The following MYH11 variants were observed in gnomAD, a reference collection of about 807,000 sequenced individuals.
MYH11 encodes the protein myosin-11.
A neutral mutation model predicts 246.6 loss-of-function variants in MYH11; 80 were observed. The observed-to-expected ratio is 0.32, with a 90% CI of 0.27 to 0.39. The LOEUF is 0.39. Among genes scored for constraint, MYH11 ranks in the 10% least tolerant of loss-of-function variants. The pLI is 1.00. For missense variants in MYH11, 2,158 were observed against 2,546.8 expected (o/e 0.85, Z 3.29); for synonymous variants, 1,071 against 1,015.5 (o/e 1.05, Z -1.04).
At chr16:15,749,908 T>C (rs2041518587) in intron 16 of MYH11, 1 of 607,552 alleles carries the variant, frequency 1.6e-6, no homozygotes, top group Admixed American at 2.9e-5. Flanking sequence ...AATGAATGAG[T>C]GGCTGGATGA....
chr16:15,760,900 T>C (rs2041853365), intron 10 of MYH11, among the ~76,000 whole-genome samples: 1 of 152,172 alleles, frequency 6.6e-6, no homozygotes, highest in Non-Finnish European at 1.5e-5. Flanking sequence ...GTTGGGGGTT[T>C]AGGGTCAGGT....
chr16:15,797,520 G>C (rs2042769799), intron 4 of MYH11, among the ~76,000 whole-genome samples: 1 of 148,686 alleles, frequency 6.7e-6, no homozygotes, highest in Non-Finnish European at 1.5e-5. Context: ...TATAGCTTTA[G>C]TTGCTTCCAG....
chr16:15,798,560 C>T lies in MYH11; in HGVS notation c.530+100G>A, dbSNP rs950049877. The T allele has an allele frequency of 5.8e-6, 7 of 1,215,938 alleles. No individual in the cohort carries two copies. The East Asian group carries it at 1.5e-4, about 25-fold the overall frequency. The allele number at this position is 1,215,938 out of a possible 1,614,324, so 75.3% of individuals were successfully genotyped here. A position where few individuals can be genotyped will look rare whatever the true frequency, so the allele number is the denominator to read the frequency against. ...GGAACCATGAACAAATCAAAGATCT[C>T]TGCACTCATGGATCTTTTCTTTCAT... On this transcript the variant is annotated intron_variant, in intron 4 of 40. Transcript: ENST00000300036.
intron 8 of MYH11, among the ~76,000 whole-genome samples, chr16:15,774,566 T>C (rs375777295): frequency 6.6e-6 from 1 of 152,232 alleles, no homozygotes; most frequent in African/African-American, 2.4e-5. Context: ...ATAGCCTATG[T>C]TCCTGAAAGC....
chr16:15,710,020 C>T (rs1212592860), intron 40 of MYH11, among the ~76,000 whole-genome samples: 1 of 152,210 alleles, frequency 6.6e-6, no homozygotes, highest in Non-Finnish European at 1.5e-5. Context: ...GCATGCTTAC[C>T]AACCTCCCTC....
At chr16:15,790,634 T>C (rs1164963384) in intron 4 of MYH11, among the ~76,000 whole-genome samples, 1 of 152,210 alleles carries the variant, frequency 6.6e-6, no homozygotes. Flanking sequence ...GAAGATGCCT[T>C]CCTGGTCTGA....
Position 15,817,784 on chromosome 16 carries a change from A to G in MYH11, c.502+5471T>C, listed in dbSNP as rs2043299032. 2.0e-5 allele frequency among the ~76,000 whole-genome samples: 3 copies of G among 152,164 alleles called. No homozygotes were observed. The South Asian group carries it at 6.2e-4, about 32-fold the overall frequency. The stretch of plus-strand genomic sequence containing the variant: ...TAAACCAGCTCCTGCCACACTCATC[A>G]TACCCATTCTCACCCCTACATTTAT... On this transcript the variant is annotated intron_variant, in intron 3 of 40. Coordinates refer to ENST00000300036, the MANE Select transcript of MYH11 (RefSeq NM_002474.3).
At chr16:15,808,317 G>A (rs1204235872) in intron 3 of MYH11, among the ~76,000 whole-genome samples, 3 of 152,168 alleles carry the variant, frequency 2.0e-5, no homozygotes, top group Non-Finnish European at 4.4e-5. Flanking sequence ...AATCACCCTT[G>A]TAACAACTGG....
chr16:15,786,808 A>G, intron 4 of MYH11, 76 bp from the exon 5 acceptor site: 4 of 1,275,030 alleles, frequency 3.1e-6, no homozygotes, highest in Non-Finnish European at 4.5e-6. Context: ...CAGGCAGGAC[A>G]ATAATGATCA....
intron 2 of MYH11, among the ~76,000 whole-genome samples, chr16:15,829,037 A>G (rs1377677521): frequency 1.3e-5 from 2 of 152,008 alleles, no homozygotes; most frequent in African/African-American, 2.4e-5. Flanking sequence ...TACAAAAATT[A>G]GCTGGGTGTG....
chr16:15,763,759 C>CCCCCCCCACA, intron 10 of MYH11, 37 bp downstream of exon 10: 1 of 1,151,252 alleles, frequency 8.7e-7, no homozygotes, highest in Non-Finnish European at 1.3e-6. Flanking sequence ...CCCCCCAACC[C>CCCCCCCCACA]CAAAGTCATT....
chr16:15,833,173 C>T (rs369017021), intron 2 of MYH11, among the ~76,000 whole-genome samples: 1 of 151,426 alleles, frequency 6.6e-6, no homozygotes, highest in East Asian at 1.9e-4. Context: ...GTGCTACATG[C>T]CTGTAGTCCC....
chr16:15,773,669 A>C (rs973122323), intron 8 of MYH11, among the ~76,000 whole-genome samples: 1 of 152,148 alleles, frequency 6.6e-6, no homozygotes, highest in Non-Finnish European at 1.5e-5. Flanking sequence ...TTTTGTAAAT[A>C]AAGTTTTATT....
At chr16:15,754,883 G>A (rs752631796) in intron 14 of MYH11, among the ~76,000 whole-genome samples, 15 of 151,984 alleles carry the variant, frequency 9.9e-5, no homozygotes, top group Non-Finnish European at 1.6e-4. Flanking sequence ...ACGGGCTTTC[G>A]CCATGTTGGC....
chr16:15,835,135 T>C (rs1386387583), intron 2 of MYH11, among the ~76,000 whole-genome samples: 1 of 151,282 alleles, frequency 6.6e-6, no homozygotes, highest in African/African-American at 2.4e-5. Flanking sequence ...ACCATTTGGC[T>C]CTTTAAAAAG....
At chr16:15,779,050 C>A (rs1010440330) in intron 6 of MYH11, 1 of 660,704 alleles carries the variant, frequency 1.5e-6, no homozygotes, top group Non-Finnish European at 2.8e-6. Context: ...AGCAACAGAA[C>A]GTGTAAAACA....
At chr16:15,715,341 G>C in intron 38 of MYH11, 69 bp from the exon 39 acceptor site, 3 of 1,469,192 alleles carry the variant, frequency 2.0e-6, no homozygotes, top group Non-Finnish European at 1.9e-6. Context: ...TGTGTCACCT[G>C]GAGGTGGCAT....
intron 5 of MYH11, among the ~76,000 whole-genome samples, chr16:15,784,542 T>C (rs1303129781): frequency 1.3e-5 from 2 of 151,750 alleles, no homozygotes; most frequent in African/African-American, 4.8e-5. Flanking sequence ...CACAGGATGG[T>C]ATTTTGGTGC....
Position 15,732,725 on chromosome 16 carries a change from C to G in MYH11, c.3507-17G>C. 6.2e-7 allele frequency: 1 copy of G among 1,614,078 alleles called. No homozygotes were observed. The highest frequency in any genetic ancestry group is 8.5e-7 in the Non-Finnish European group (1 of 1,180,024). ...CTCTTGGCCCTTGGTGGGAGGAACA[C>G]AGTGAATGGCAGTTGGGTGGAGACA... On this transcript the variant is annotated splice_polypyrimidine_tract_variant and intron_variant, in intron 26 of 40. Transcript: ENST00000300036.
Sources: gnomAD v4.1 joint callset for allele counts (sites outside exome capture counted in the v4.1 genomes callset) on GRCh38, gnomAD v4.1.1 for gene constraint, MANE v1.5 for transcripts, NCBI Gene and HGNC (gene_info 2026-07-23, HGNC 2026-07-21) for gene names.